PPP2R2B: variants seen among roughly 807,000 people sequenced by gnomAD.
PPP2R2B encodes serine/threonine-protein phosphatase 2A 55 kDa regulatory subunit B beta isoform.
In PPP2R2B, 5 loss-of-function variants were observed where a neutral mutation model predicts 46.0. That is an observed-to-expected ratio of 0.11 (90% CI 0.06 to 0.23). PPP2R2B has a LOEUF of 0.23. PPP2R2B is among the 10% of genes least tolerant of loss of function. The pLI is 1.00. For missense variants in PPP2R2B, 367 were observed against 575.0 expected (o/e 0.64, Z 3.70); for synonymous variants, 215 against 206.7 (o/e 1.04, Z -0.34).
chr5:146,970,733 A>C (rs1035478132), intron 1 of PPP2R2B, among the ~76,000 whole-genome samples: 2 of 152,210 alleles, frequency 1.3e-5, no homozygotes, highest in Non-Finnish European at 2.9e-5. Context: ...CTTGCGGCTC[A>C]TAAGAAGGTC....
chr5:146,661,890 A>G (rs1776698547), intron 5 of PPP2R2B, among the ~76,000 whole-genome samples: 1 of 152,206 alleles, frequency 6.6e-6, no homozygotes, highest in African/African-American at 2.4e-5. Flanking sequence ...ACAAGAAAAA[A>G]AGAGACATCT....
chr5:146,958,668 A>T (rs1018424836), intron 1 of PPP2R2B, among the ~76,000 whole-genome samples: 9 of 152,210 alleles, frequency 5.9e-5, no homozygotes, highest in Non-Finnish European at 1.0e-4. Context: ...TGAATTACGT[A>T]GTTAATAAAT....
chr5:146,858,471 A>G lies in PPP2R2B; in HGVS notation c.70+19531T>C, dbSNP rs556542038. ...TAGTTACTACTATTGTCTTAACTTT[A>G]CATAGGGGCAACTGCAGTTAGAGGA... is the stretch of plus-strand genomic sequence containing the variant. On this transcript the variant is annotated intron_variant, in intron 2 of 9. Transcript: ENST00000394411. Among the ~76,000 whole-genome samples the G allele has an allele frequency of 2.6e-5, 4 of 152,312 alleles. 1 individual carries two copies. In the South Asian group the frequency reaches 8.3e-4, roughly 32 times the overall value.
intron 2 of PPP2R2B, among the ~76,000 whole-genome samples, chr5:146,734,629 C>T (rs1304635393): frequency 6.6e-6 from 1 of 152,142 alleles, no homozygotes; most frequent in East Asian, 1.9e-4. Context: ...ACCCCACCCC[C>T]TGGCCATGCT....
Position 146,857,167 on chromosome 5 carries a change from A to C in PPP2R2B, c.70+20835T>G, listed in dbSNP as rs1432891. Among the ~76,000 whole-genome samples, 324 of 152,300 alleles carry C rather than the reference A, an allele frequency of 2.1e-3. 2 individuals carry two copies. The highest frequency in any genetic ancestry group is 7.6e-3 in the African/African-American group (314 of 41,576). On this transcript the variant is annotated intron_variant, in intron 2 of 9. Transcript: ENST00000394411. The stretch of plus-strand genomic sequence containing the variant: ...TGGGTGAAAGAGAATGCTCTGGTGC[A>C]GAACAACTTCTATGCAATAGGAACT...
At chr5:146,740,299 C>T (rs1274696196) in intron 2 of PPP2R2B, among the ~76,000 whole-genome samples, 1 of 152,104 alleles carries the variant, frequency 6.6e-6, no homozygotes, top group East Asian at 1.9e-4. Flanking sequence ...AGAAAAGAAT[C>T]TTGGAGATGA....
At chr5:147,052,701 A>G (rs1025423027) in intron 1 of PPP2R2B, among the ~76,000 whole-genome samples, 1 of 152,204 alleles carries the variant, frequency 6.6e-6, no homozygotes, top group African/African-American at 2.4e-5. Context: ...GACCTCAGGC[A>G]GGAGAGTCGG....
At position 146,587,916 on chromosome 5, in the gene PPP2R2B, C is replaced by T. The variant is rs1000727135; in HGVS notation, c.*2031G>A. On this transcript the variant is annotated 3_prime_UTR_variant, in exon 10 of 10. Coordinates refer to ENST00000394411, the MANE Select transcript of PPP2R2B (RefSeq NM_181675.4). ...GAGATACAATGATTGGTCCCAACCC[C>T]CGACGTGGTACAGACAGAGGAGCTG... 1.2e-4 allele frequency: 18 copies of T among 152,162 alleles called. No individual in the cohort carries two copies. Among genetic ancestry groups the T allele is most frequent in the African/African-American group, 4.3e-4 (18 of 41,432 alleles). The allele number at this position is 152,162 out of a possible 1,614,324, so 9.4% of individuals were successfully genotyped here. A position where few individuals can be genotyped will look rare whatever the true frequency, so the allele number is the denominator to read the frequency against.
At chr5:147,077,073 T>A (rs1387274257) in intron 2 of PPP2R2B, among the ~76,000 whole-genome samples, 1 of 147,806 alleles carries the variant, frequency 6.8e-6, no homozygotes, top group Non-Finnish European at 1.5e-5. Context: ...TACATATATA[T>A]TACATACATA....
intron 2 of PPP2R2B, among the ~76,000 whole-genome samples, chr5:146,734,442 C>T (rs546309834): frequency 1.3e-5 from 2 of 152,202 alleles, no homozygotes; most frequent in Non-Finnish European, 2.9e-5. Context: ...CTTTATTATT[C>T]CCACTTTGCA....
intron 7 of PPP2R2B, among the ~76,000 whole-genome samples, chr5:146,608,856 AAAG>A (rs1364970927): frequency 1.3e-5 from 2 of 152,174 alleles, no homozygotes; most frequent in African/African-American, 2.4e-5. Context: ...TCGAACATTT[AAAG>A]AAGAACTAAT....
chr5:146,924,432 A>T (rs1763713075), intron 1 of PPP2R2B, among the ~76,000 whole-genome samples: 1 of 152,112 alleles, frequency 6.6e-6, no homozygotes, highest in South Asian at 2.1e-4. Context: ...GGTCTCTTGG[A>T]CTTCTGATTG....
intron 1 of PPP2R2B, chr5:147,081,202 C>A (rs188365616): frequency 1.3e-6 from 2 of 1,535,308 alleles, no homozygotes; most frequent in Admixed American, 2.0e-5. Context: ...AAGAGACCAA[C>A]AAGAAAAGAA....
chr5:146,634,977 G>A (rs952070334), intron 7 of PPP2R2B, among the ~76,000 whole-genome samples: 1 of 152,140 alleles, frequency 6.6e-6, no homozygotes, highest in Non-Finnish European at 1.5e-5. Context: ...GAGGGTTGGG[G>A]TTTCGAACAT....
intron 2 of PPP2R2B, among the ~76,000 whole-genome samples, chr5:146,825,211 A>G (rs1161453687): frequency 6.6e-6 from 1 of 152,178 alleles, no homozygotes; most frequent in African/African-American, 2.4e-5. Context: ...TGTGTATGGA[A>G]CAACCCTTCA....
chr5:147,037,180 A>T (rs1472649423), intron 1 of PPP2R2B, among the ~76,000 whole-genome samples: 1 of 152,062 alleles, frequency 6.6e-6, no homozygotes, highest in African/African-American at 2.4e-5. Flanking sequence ...ATTTTTGCCT[A>T]AGATAGTTAA....
intron 1 of PPP2R2B, among the ~76,000 whole-genome samples, chr5:146,928,629 T>C (rs1357125558): frequency 6.6e-6 from 1 of 152,162 alleles, no homozygotes; most frequent in African/African-American, 2.4e-5. Context: ...CTATTGCAAC[T>C]GGTTTTACTA....
chr5:146,663,775 A>G (rs1382335556), intron 5 of PPP2R2B, among the ~76,000 whole-genome samples: 1 of 152,144 alleles, frequency 6.6e-6, no homozygotes, highest in Non-Finnish European at 1.5e-5. Flanking sequence ...ATGGATGCTG[A>G]TTGATCAGGG....
intron 1 of PPP2R2B, among the ~76,000 whole-genome samples, chr5:147,023,495 C>T (rs1755384679): frequency 6.6e-6 from 1 of 152,038 alleles, no homozygotes; most frequent in African/African-American, 2.4e-5. Flanking sequence ...AAAATATACA[C>T]TTTAAATATA....
Sources: allele counts gnomAD v4.1 joint callset (sites outside exome capture counted in the v4.1 genomes callset), GRCh38; gene constraint gnomAD v4.1.1; transcripts MANE v1.5; gene names NCBI Gene and HGNC (gene_info 2026-07-23, HGNC 2026-07-21).